SEMA5A: variants seen among roughly 807,000 people sequenced by gnomAD.
SEMA5A encodes the protein semaphorin-5A.
In SEMA5A, 55 loss-of-function variants were observed where a neutral mutation model predicts 135.5. That is an observed-to-expected ratio of 0.41 (90% CI 0.33 to 0.51). The LOEUF is 0.51. Among genes scored for constraint, SEMA5A ranks in the 20% least tolerant of loss-of-function variants. The pLI, the probability that SEMA5A is intolerant of heterozygous loss-of-function variation, is 0.37. For missense variants in SEMA5A, 1,290 were observed against 1,419.9 expected (o/e 0.91, Z 1.47); for synonymous variants, 580 against 546.5 (o/e 1.06, Z -0.85).
chr5:9,452,737 C>T (rs1465676979), intron 1 of SEMA5A, among the ~76,000 whole-genome samples: 1 of 152,128 alleles, frequency 6.6e-6, no homozygotes, highest in African/African-American at 2.4e-5. Flanking sequence ...CCCCAGTTTC[C>T]CTACCCAGTT....
intron 5 of SEMA5A, among the ~76,000 whole-genome samples, chr5:9,269,819 A>T (rs571443672): frequency 1.0e-3 from 153 of 152,240 alleles, no homozygotes; most frequent in African/African-American, 3.6e-3. Context: ...TCTAACACTC[A>T]CTTCTGAGTT....
chr5:9,476,855 T>C (rs539951641), intron 1 of SEMA5A, among the ~76,000 whole-genome samples: 10 of 151,772 alleles, frequency 6.6e-5, no homozygotes, highest in Non-Finnish European at 1.0e-4. Flanking sequence ...AGAGGACACA[T>C]CACCTGCGGC....
At chr5:9,305,515 T>C (rs73048687) in intron 5 of SEMA5A, among the ~76,000 whole-genome samples, 3,719 of 152,044 alleles carry the variant, frequency 0.024, 164 homozygotes, top group African/African-American at 0.085. Flanking sequence ...CCATCATTGC[T>C]TAATCTGGGT....
At chr5:9,280,842 T>C in intron 5 of SEMA5A, 1 of 425,246 alleles carries the variant, frequency 2.4e-6, no homozygotes, top group Non-Finnish European at 4.7e-6. Context: ...GAATAAAATG[T>C]AACGTTTTAG....
rs1217337270 is a variant in SEMA5A at position 9,103,239 on chromosome 5, G to A, written c.2073+4901C>T. Among the ~76,000 whole-genome samples, 6 of 152,096 alleles carry A rather than the reference G, an allele frequency of 3.9e-5. No individual in the cohort carries two copies. The South Asian group carries it at 1.2e-3, about 32-fold the overall frequency. ...CTCATTTGGAAAATCAGGAAAACAC[G>A]AGACGACCTTCCCCAAAGCATTCTG... On this transcript the variant is annotated intron_variant, in intron 16 of 22. Transcript: ENST00000382496.
At chr5:9,211,661 A>C (rs937128497) in intron 8 of SEMA5A, among the ~76,000 whole-genome samples, 11 of 152,218 alleles carry the variant, frequency 7.2e-5, no homozygotes, top group African/African-American at 2.7e-4. Flanking sequence ...CAGGACAAGC[A>C]GAAAGAATTT....
At chr5:9,330,112 T>G (rs1452931043) in intron 4 of SEMA5A, among the ~76,000 whole-genome samples, 1 of 147,154 alleles carries the variant, frequency 6.8e-6, no homozygotes, top group Non-Finnish European at 1.5e-5. Flanking sequence ...TAGGCTGATA[T>G]TCTCCCAACT....
At position 9,322,499 on chromosome 5, in the gene SEMA5A, G is replaced by A. The variant is rs532689330; in HGVS notation, c.225-4082C>T. ...TACCCCAGGAAGGAAAGCACCAGAGGATTTGAACTTTTCTTTTTGTAGTAT... is the reference window on the plus strand; with the variant it reads ...TACCCCAGGAAGGAAAGCACCAGAGAATTTGAACTTTTCTTTTTGTAGTAT... On this transcript the variant is annotated intron_variant, in intron 4 of 22. Transcript: ENST00000382496. Among the ~76,000 whole-genome samples, 7 of 152,154 alleles carry A rather than the reference G, an allele frequency of 4.6e-5. No individual in the cohort carries two copies. The East Asian group carries it at 1.4e-3, about 29-fold the overall frequency.
At position 9,076,880 on chromosome 5, in the gene SEMA5A, G is replaced by A. The variant is rs925483876; in HGVS notation, c.2074-10234C>T. 5.4e-5 allele frequency among the ~76,000 whole-genome samples: 6 copies of A among 110,710 alleles called. No individual in the cohort carries two copies. In the East Asian group the frequency reaches 1.2e-3, roughly 22 times the overall value. The allele number at this position is 110,710 out of a possible 152,430, so 72.6% of individuals were successfully genotyped here. ...TGCATTACGATCTTTGTGTGTGTGT[G>A]TGTGTGTGTGTGTGTGTGTGTGTGT... is the stretch of plus-strand genomic sequence containing the variant. On this transcript the variant is annotated intron_variant, in intron 16 of 22. Coordinates refer to ENST00000382496, the MANE Select transcript of SEMA5A (RefSeq NM_003966.3).
At chr5:9,245,344 G>T (rs1211354230) in intron 5 of SEMA5A, among the ~76,000 whole-genome samples, 1 of 152,062 alleles carries the variant, frequency 6.6e-6, no homozygotes, top group African/African-American at 2.4e-5. Context: ...GGCATTCCCT[G>T]GGGGTCTTGG....
intron 8 of SEMA5A, among the ~76,000 whole-genome samples, chr5:9,212,407 G>A (rs756153742): frequency 6.6e-6 from 1 of 152,200 alleles, no homozygotes; most frequent in Non-Finnish European, 1.5e-5. Flanking sequence ...TGTTTTAAGA[G>A]CGACTTTGGC....
rs28670316 is a variant in SEMA5A at position 9,299,130 on chromosome 5, C to A, written c.270+19242G>T. On this transcript the variant is annotated intron_variant, in intron 5 of 22. Transcript: ENST00000382496. The stretch of plus-strand genomic sequence containing the variant: ...GGCATCACTGTTCAGAAGAAGGGGG[C>A]ATCTTTACCTAATGTGCGCGCAAAT... 8.8e-3 allele frequency among the ~76,000 whole-genome samples: 1,336 copies of A among 152,192 alleles called. 19 individuals are homozygous for A. The highest frequency in any genetic ancestry group is 0.026 in the African/African-American group (1,100 of 41,538).
intron 2 of SEMA5A, among the ~76,000 whole-genome samples, chr5:9,433,811 C>T (rs1421916190): frequency 1.3e-5 from 2 of 152,046 alleles, no homozygotes; most frequent in African/African-American, 2.4e-5. Flanking sequence ...ATAAATTCTC[C>T]AGCATATAAA....
intron 11 of SEMA5A, among the ~76,000 whole-genome samples, chr5:9,183,623 C>T (rs1188833275): frequency 1.3e-5 from 2 of 152,200 alleles, no homozygotes; most frequent in South Asian, 2.1e-4. Flanking sequence ...GTTGAACTTA[C>T]GACCTGACCA....
chr5:9,361,678 T>C (rs16882547), intron 3 of SEMA5A, among the ~76,000 whole-genome samples: 6,382 of 152,292 alleles, frequency 0.042, 421 homozygotes, highest in African/African-American at 0.14. Context: ...TCTGACCATA[T>C]TGATGCTACT....
At chr5:9,330,420 TTTTTG>T (rs146152668) in intron 4 of SEMA5A, among the ~76,000 whole-genome samples, 17,962 of 149,934 alleles carry the variant, frequency 0.12, 1,142 homozygotes, top group South Asian at 0.18. Context: ...AGATTAGTTT[TTTTTG>T]TTTTTGTTTT....
chr5:9,473,266 A>G (rs933641217), intron 1 of SEMA5A, among the ~76,000 whole-genome samples: 3 of 149,672 alleles, frequency 2.0e-5, no homozygotes, highest in Non-Finnish European at 4.4e-5. Flanking sequence ...TCACCTAGTC[A>G]AGTAAATGAT....
At position 9,498,199 on chromosome 5, in the gene SEMA5A, A is replaced by G. The variant is rs2126813854; in HGVS notation, c.-175+47385T>C. Reference sequence around the variant, plus strand: ...TATGAAAACTAACTGATGCAGAGCCACACCTCCTCTGTTTGGGCCATATGG... The same window carrying G: ...TATGAAAACTAACTGATGCAGAGCCGCACCTCCTCTGTTTGGGCCATATGG... On this transcript the variant is annotated intron_variant, in intron 1 of 22. Coordinates refer to ENST00000382496, the MANE Select transcript of SEMA5A (RefSeq NM_003966.3). 2.0e-5 allele frequency among the ~76,000 whole-genome samples: 3 copies of G among 152,252 alleles called. No homozygotes were observed. In the Middle Eastern group the frequency reaches 0.01, roughly 518 times the overall value.
intron 4 of SEMA5A, among the ~76,000 whole-genome samples, chr5:9,332,588 T>C (rs2150706863): frequency 6.6e-6 from 1 of 151,974 alleles, no homozygotes; most frequent in Middle Eastern, 3.4e-3. Context: ...TTGGGTCAGG[T>C]GTGCAACGTG....
Sources: gnomAD v4.1 joint callset for allele counts (sites outside exome capture counted in the v4.1 genomes callset) on GRCh38, gnomAD v4.1.1 for gene constraint, MANE v1.5 for transcripts, NCBI Gene and HGNC (gene_info 2026-07-23, HGNC 2026-07-21) for gene names.